The following ARB2A variants were observed in gnomAD, a reference collection of about 807,000 sequenced individuals.
ARB2A encodes the protein ARB2 cotranscriptional regulator A, also known as cotranscriptional regulator ARB2A.
the ARB2A span, among the ~76,000 whole-genome samples, chr5:93,766,902 C>T: frequency 2.0e-3 from 304 of 152,028 alleles, 2 homozygotes; most frequent in Non-Finnish European, 1.9e-3. Flanking sequence ...ACATGGATGA[C>T]GATGGAAACC....
the ARB2A span, among the ~76,000 whole-genome samples, chr5:93,858,832 A>G: frequency 6.6e-6 from 1 of 152,240 alleles, no homozygotes; most frequent in African/African-American, 2.4e-5. Context: ...TTATAATGTA[A>G]CATTTTGTTA....
chr5:94,014,488 T>G, the ARB2A span, among the ~76,000 whole-genome samples: 1 of 152,076 alleles, frequency 6.6e-6, no homozygotes, highest in African/African-American at 2.4e-5. Context: ...GACAAAGACA[T>G]GCATCCACAA....
the ARB2A span, among the ~76,000 whole-genome samples, chr5:93,939,956 T>C: frequency 6.9e-6 from 1 of 144,730 alleles, no homozygotes; most frequent in African/African-American, 2.7e-5. Flanking sequence ...ACTGTATCCG[T>C]TTTTTTTTTA....
chr5:93,690,567 G>A, the ARB2A span, among the ~76,000 whole-genome samples: 3 of 152,146 alleles, frequency 2.0e-5, no homozygotes, highest in Non-Finnish European at 4.4e-5. Flanking sequence ...GGGGCTTATA[G>A]ATCAAACTCC....
chr5:94,072,351 AAC>A, the ARB2A span, among the ~76,000 whole-genome samples: 4 of 151,786 alleles, frequency 2.6e-5, no homozygotes, highest in East Asian at 7.7e-4. Context: ...CAGAACTCCA[AAC>A]ACACTCACAC....
At chr5:94,017,784 C>T in the ARB2A span, among the ~76,000 whole-genome samples, 1 of 152,238 alleles carries the variant, frequency 6.6e-6, no homozygotes, top group Non-Finnish European at 1.5e-5. Context: ...TCCTGTGTAG[C>T]CTGGAAGTGG....
At chr5:93,986,877 C>G in the ARB2A span, among the ~76,000 whole-genome samples, 1 of 152,088 alleles carries the variant, frequency 6.6e-6, no homozygotes, top group African/African-American at 2.4e-5. Context: ...ACAAACACTG[C>G]AGAAGGCCGC....
At chr5:93,784,404 C>T in the ARB2A span, 7 of 1,613,088 alleles carry the variant, frequency 4.3e-6, 1 homozygote, top group East Asian at 4.5e-5. Flanking sequence ...ATTCTCGAAT[C>T]GTTTTGCCAG....
the ARB2A span, among the ~76,000 whole-genome samples, chr5:93,953,418 A>G: frequency 2.6e-5 from 4 of 152,128 alleles, no homozygotes; most frequent in African/African-American, 4.8e-5. Flanking sequence ...ATACTGGTAG[A>G]GGTACTGCCT....
chr5:93,779,090 A>AGTGAGTGT, the ARB2A span, among the ~76,000 whole-genome samples: 10 of 143,448 alleles, frequency 7.0e-5, no homozygotes, highest in African/African-American at 2.6e-4. Context: ...GTCATTTCAG[A>AGTGAGTGT]GTGTGTGTGT....
chr5:93,632,301 G>A, the ARB2A span, among the ~76,000 whole-genome samples: 1 of 152,188 alleles, frequency 6.6e-6, no homozygotes, highest in South Asian at 2.1e-4. Flanking sequence ...AGACCTGAGT[G>A]GCAACAAGGA....
the ARB2A span, among the ~76,000 whole-genome samples, chr5:93,955,826 G>A: frequency 6.6e-6 from 1 of 152,182 alleles, no homozygotes; most frequent in Admixed American, 6.5e-5. Context: ...CTCACTCTGG[G>A]CCTGGACCAC....
At chr5:93,648,672 A>T in the ARB2A span, among the ~76,000 whole-genome samples, 1 of 152,206 alleles carries the variant, frequency 6.6e-6, no homozygotes, top group African/African-American at 2.4e-5. Flanking sequence ...GAAAATGTAG[A>T]ATTAACTGCA....
chr5:93,779,808 C>A, the ARB2A span, among the ~76,000 whole-genome samples: 1 of 152,086 alleles, frequency 6.6e-6, no homozygotes, highest in South Asian at 2.1e-4. Flanking sequence ...AAATGATGAT[C>A]CTATAGATTT....
At chr5:93,819,481 CTGAGT>C in the ARB2A span, among the ~76,000 whole-genome samples, 1 of 152,030 alleles carries the variant, frequency 6.6e-6, no homozygotes, top group African/African-American at 2.4e-5. Flanking sequence ...TATTTTTGGC[CTGAGT>C]TATCTGGATA....
chr5:93,822,391 T>A, the ARB2A span, among the ~76,000 whole-genome samples: 1 of 152,342 alleles, frequency 6.6e-6, no homozygotes, highest in Non-Finnish European at 1.5e-5. Flanking sequence ...CAGTTCATTG[T>A]AAAAACTGTC....
At chr5:94,100,029 C>G in the ARB2A span, among the ~76,000 whole-genome samples, 1 of 152,146 alleles carries the variant, frequency 6.6e-6, no homozygotes. Flanking sequence ...GATTCTATAT[C>G]TAGAAAACCC....
the ARB2A span, among the ~76,000 whole-genome samples, chr5:94,035,469 T>C: frequency 1.4e-4 from 21 of 152,160 alleles, no homozygotes; most frequent in Non-Finnish European, 2.6e-4. Context: ...ATATACCATA[T>C]TGATAAACTT....
chr5:93,905,910 A>G, the ARB2A span, among the ~76,000 whole-genome samples: 1 of 151,554 alleles, frequency 6.6e-6, no homozygotes, highest in African/African-American at 2.4e-5. Context: ...TTACTTCAGA[A>G]CAGCACTTTA....
Sources: allele counts gnomAD v4.1 joint callset (sites outside exome capture counted in the v4.1 genomes callset), GRCh38; gene constraint gnomAD v4.1.1; transcripts MANE v1.5; gene names NCBI Gene and HGNC (gene_info 2026-07-23, HGNC 2026-07-21).